CSGALNACT1: variants seen among roughly 807,000 people sequenced by gnomAD.
CSGALNACT1 encodes chondroitin sulfate N-acetylgalactosaminyltransferase 1, also known as beta4GalNAcT-1.
CSGALNACT1 carries 52 observed loss-of-function variants against 51.0 expected under a neutral mutation model. The observed-to-expected ratio is 1.02, with a 90% confidence interval of 0.82 to 1.29. The LOEUF (loss-of-function observed/expected upper bound fraction) is 1.29. Ranked by LOEUF, CSGALNACT1 falls within the 50% of genes most tolerant of loss-of-function variation. The pLI, the probability that CSGALNACT1 is intolerant of heterozygous loss-of-function variation, is 0.00. For synonymous variants in CSGALNACT1, 341 were observed against 254.4 expected (o/e 1.34, Z -3.24); for missense variants, 935 against 679.2 (o/e 1.38, Z -4.19).
chr8:19,419,606 C>G (rs1246631931), intron 7 of CSGALNACT1, among the ~76,000 whole-genome samples: 1 of 152,206 alleles, frequency 6.6e-6, no homozygotes, highest in Non-Finnish European at 1.5e-5. Flanking sequence ...GCGAATAGCT[C>G]TTCTACCCTA....
intron 1 of CSGALNACT1, among the ~76,000 whole-genome samples, chr8:19,703,870 C>A (rs62494495): frequency 0.056 from 8,587 of 152,270 alleles, 272 homozygotes; most frequent in Middle Eastern, 0.1. Flanking sequence ...ACTGCCCATG[C>A]ACTGGCTTTC....
intron 4 of CSGALNACT1, among the ~76,000 whole-genome samples, chr8:19,486,637 T>C (rs566187399): frequency 3.3e-4 from 51 of 152,318 alleles, no homozygotes; most frequent in Admixed American, 5.9e-4. Flanking sequence ...CTCTTCAAGT[T>C]TCTGCTCCAA....
intron 3 of CSGALNACT1, among the ~76,000 whole-genome samples, chr8:19,550,922 C>T (rs559901780): frequency 6.6e-6 from 1 of 152,310 alleles, no homozygotes; most frequent in East Asian, 1.9e-4. Context: ...TCCAAGGCTT[C>T]TGGAAAACAT....
intron 1 of CSGALNACT1, among the ~76,000 whole-genome samples, chr8:19,744,866 C>T (rs2064550937): frequency 6.6e-6 from 1 of 152,178 alleles, no homozygotes; most frequent in Non-Finnish European, 1.5e-5. Flanking sequence ...ACTATACTTG[C>T]CACACTTTTG....
intron 3 of CSGALNACT1, among the ~76,000 whole-genome samples, chr8:19,509,243 T>C (rs1433045707): frequency 1.3e-5 from 2 of 152,168 alleles, no homozygotes; most frequent in African/African-American, 4.8e-5. Flanking sequence ...CTTCCTGAAG[T>C]CAGAAGAGGC....
Position 19,420,404 on chromosome 8 carries a change from GA to G in CSGALNACT1, c.1067del (p.Phe356SerfsTer18). Reference sequence around the variant, plus strand: ...ATGTGAAGTAGATGTCCACATCACAGAAAAAGAGAAGGACGTTGCTTCCCTT... The same window carrying G: ...ATGTGAAGTAGATGTCCACATCACAGAAAAGAGAAGGACGTTGCTTCCCTT... On this transcript the variant is annotated frameshift_variant, in exon 7 of 10. Transcript: ENST00000454498. LOFTEE classifies it high-confidence loss of function. 6.2e-7 allele frequency: 1 copy of G among 1,614,164 alleles called. No individual in the cohort carries two copies. The highest frequency in any genetic ancestry group is 1.3e-5 in the African/African-American group (1 of 75,048).
At chr8:19,438,153 G>A (rs563488323) in intron 6 of CSGALNACT1, among the ~76,000 whole-genome samples, 1 of 147,108 alleles carries the variant, frequency 6.8e-6, no homozygotes, top group Non-Finnish European at 1.5e-5. Context: ...GTACTTCAGA[G>A]TCACCTGGGG....
intron 1 of CSGALNACT1, among the ~76,000 whole-genome samples, chr8:19,673,615 G>T (rs1650416867): frequency 6.6e-6 from 1 of 152,168 alleles, no homozygotes; most frequent in Non-Finnish European, 1.5e-5. Context: ...GATCTGATGG[G>T]AAACAAGCAA....
intron 1 of CSGALNACT1, among the ~76,000 whole-genome samples, chr8:19,682,216 G>A (rs185063167): frequency 6.6e-6 from 1 of 152,150 alleles, no homozygotes; most frequent in Non-Finnish European, 1.5e-5. Context: ...CACATGGAAT[G>A]TGAGCCTCTG....
At chr8:19,633,688 A>C (rs1564308336) in intron 1 of CSGALNACT1, among the ~76,000 whole-genome samples, 1 of 152,214 alleles carries the variant, frequency 6.6e-6, no homozygotes, top group African/African-American at 2.4e-5. Context: ...TTTAGCTTTC[A>C]GATTTCAGAT....
chr8:19,439,328 G>A lies in CSGALNACT1; in HGVS notation c.953+502C>T, dbSNP rs188895425. On this transcript the variant is annotated intron_variant, in intron 6 of 9. Coordinates refer to ENST00000454498, the Ensembl canonical transcript of CSGALNACT1. ...TCAAGGATCCTGCCTTGGCCACCAC[G>A]TCTGGTTTCCCCTGAATGTCTTAAA... is the stretch of plus-strand genomic sequence containing the variant. 5.1e-4 allele frequency among the ~76,000 whole-genome samples: 78 copies of A among 152,316 alleles called. 1 individual carries two copies. Among genetic ancestry groups the A allele is most frequent in the South Asian group, 1.9e-3 (9 of 4,824 alleles).
At chr8:19,721,264 C>T (rs1207725409) in intron 1 of CSGALNACT1, among the ~76,000 whole-genome samples, 1 of 152,158 alleles carries the variant, frequency 6.6e-6, no homozygotes, top group Non-Finnish European at 1.5e-5. Context: ...AAACTGATCT[C>T]CAGGCCCATG....
At chr8:19,555,002 C>T (rs912049831) in intron 3 of CSGALNACT1, among the ~76,000 whole-genome samples, 3 of 150,450 alleles carry the variant, frequency 2.0e-5, no homozygotes, top group African/African-American at 2.5e-5. Flanking sequence ...CATTTAGGGA[C>T]GCCGAGCGGG....
At chr8:19,494,468 G>A (rs1438058849) in intron 4 of CSGALNACT1, among the ~76,000 whole-genome samples, 1 of 152,160 alleles carries the variant, frequency 6.6e-6, no homozygotes, top group Non-Finnish European at 1.5e-5. Flanking sequence ...GTCCTTACCT[G>A]TGTACATGGG....
At chr8:19,596,933 A>AGTGT (rs1376174817) in intron 2 of CSGALNACT1, among the ~76,000 whole-genome samples, 1 of 152,164 alleles carries the variant, frequency 6.6e-6, no homozygotes, top group African/African-American at 2.4e-5. Flanking sequence ...ACTGTTATGC[A>AGTGT]ACCAAACTCC....
intron 4 of CSGALNACT1, among the ~76,000 whole-genome samples, chr8:19,474,954 T>A (rs1382736023): frequency 6.8e-6 from 1 of 146,452 alleles, no homozygotes; most frequent in African/African-American, 2.5e-5. Context: ...AATAAAAACA[T>A]AGACCTTGCT....
At chr8:19,620,266 G>A (rs1417969283) in intron 1 of CSGALNACT1, among the ~76,000 whole-genome samples, 2 of 127,336 alleles carry the variant, frequency 1.6e-5, no homozygotes, top group African/African-American at 6.0e-5. Context: ...AGTTAGCCAA[G>A]ATTGCACCAC....
At chr8:19,623,578 T>C (rs189866510) in intron 1 of CSGALNACT1, among the ~76,000 whole-genome samples, 2 of 152,318 alleles carry the variant, frequency 1.3e-5, no homozygotes, top group South Asian at 2.1e-4. Flanking sequence ...AACAATTAAC[T>C]ACATGCTGGG....
rs934621242 is a variant in CSGALNACT1 at position 19,574,816 on chromosome 8, G to C, written c.-297+16344C>G. 3.9e-5 allele frequency among the ~76,000 whole-genome samples: 6 copies of C among 152,184 alleles called. No homozygotes were observed. The East Asian group carries it at 1.2e-3, about 29-fold the overall frequency. ...GGAGGCTGAAACGGGCAGATCACGAGGTCTCCTGAGGAGATCAAGACCACC... is the reference window on the plus strand; with the variant it reads ...GGAGGCTGAAACGGGCAGATCACGACGTCTCCTGAGGAGATCAAGACCACC... On this transcript the variant is annotated intron_variant, in intron 3 of 9. Coordinates refer to ENST00000454498, the Ensembl canonical transcript of CSGALNACT1.
Sources: gnomAD v4.1 joint callset for allele counts (sites outside exome capture counted in the v4.1 genomes callset) on GRCh38, gnomAD v4.1.1 for gene constraint, MANE v1.5 for transcripts, NCBI Gene and HGNC (gene_info 2026-07-23, HGNC 2026-07-21) for gene names.